CHST11: variants seen among roughly 807,000 people sequenced by gnomAD.
CHST11 encodes C4S-1.
A neutral mutation model predicts 30.4 loss-of-function variants in CHST11; 9 were observed. The ratio of observed to expected loss-of-function variants is 0.30; its 90% CI spans 0.18 to 0.52. The LOEUF is 0.52. Ranked by LOEUF, CHST11 falls within the 20% of genes least tolerant of loss-of-function variation. The pLI is 0.97. For synonymous variants in CHST11, 152 were observed against 187.8 expected (o/e 0.81, Z 1.56); for missense variants, 348 against 460.6 (o/e 0.76, Z 2.24).
At chr12:104,582,090 T>C (rs2038751186) in intron 1 of CHST11, among the ~76,000 whole-genome samples, 1 of 152,322 alleles carries the variant, frequency 6.6e-6, no homozygotes, top group East Asian at 1.9e-4. Context: ...GATGCATCCT[T>C]ATTTGCGAGA....
chr12:104,554,926 T>C (rs1449535384), intron 1 of CHST11, among the ~76,000 whole-genome samples: 1 of 152,168 alleles, frequency 6.6e-6, no homozygotes, highest in Non-Finnish European at 1.5e-5. Context: ...GACTTGAGGC[T>C]GTACCGGGGT....
intron 2 of CHST11, among the ~76,000 whole-genome samples, chr12:104,657,109 G>T (rs1384910701): frequency 6.6e-6 from 1 of 152,166 alleles, no homozygotes; most frequent in Non-Finnish European, 1.5e-5. Context: ...TCAGCTCCGG[G>T]CTGTCAGCCC....
chr12:104,598,154 G>C (rs887297874), intron 1 of CHST11, among the ~76,000 whole-genome samples: 1 of 152,212 alleles, frequency 6.6e-6, no homozygotes, highest in Non-Finnish European at 1.5e-5. Flanking sequence ...AGATACATGT[G>C]AGGTGAATAT....
chr12:104,569,250 G>A (rs1461893153), intron 1 of CHST11, among the ~76,000 whole-genome samples: 1 of 152,154 alleles, frequency 6.6e-6, no homozygotes, highest in Non-Finnish European at 1.5e-5. Context: ...AGAAATTCTA[G>A]GAATAGAGAA....
intron 1 of CHST11, among the ~76,000 whole-genome samples, chr12:104,498,277 C>G (rs1442751428): frequency 6.6e-6 from 1 of 152,128 alleles, no homozygotes; most frequent in Non-Finnish European, 1.5e-5. Flanking sequence ...TAGGCTTCAC[C>G]TGTCATCTTA....
intron 2 of CHST11, among the ~76,000 whole-genome samples, chr12:104,680,969 A>G (rs2039790162): frequency 6.6e-6 from 1 of 152,238 alleles, no homozygotes; most frequent in Non-Finnish European, 1.5e-5. Flanking sequence ...TCTGGACCTC[A>G]ATAACACTGG....
chr12:104,757,347 C>G lies in CHST11; in HGVS notation c.603C>G (p.Thr201=), dbSNP rs1309979750. The G allele has an allele frequency of 1.9e-6, 3 of 1,614,010 alleles. No homozygotes were observed. Among genetic ancestry groups the G allele is most frequent in the African/African-American group, 1.3e-5 (1 of 74,908 alleles). Residue 201 remains threonine (T), a synonymous_variant, in exon 3 of 3, where the codon ACC becomes ACG. Coordinates refer to ENST00000303694, the MANE Select transcript of CHST11 (RefSeq NM_018413.6). This position sits in a 1 kb window ranked among gnomAD's most constrained non-coding sequence, Gnocchi z 6.5. ...TGTCCGCCTACCGCAACAAGTTCACCCAGAAGTACAACATCTCCTTCCACA... is the reference window on the plus strand; with the variant it reads ...TGTCCGCCTACCGCAACAAGTTCACGCAGAAGTACAACATCTCCTTCCACA... ...RLVSAYRNKF[T]QKYNISFHKR... is the part of the protein sequence containing the mutation.
intron 2 of CHST11, among the ~76,000 whole-genome samples, chr12:104,741,270 C>T (rs919096115): frequency 1.3e-5 from 2 of 152,108 alleles, no homozygotes; most frequent in African/African-American, 2.4e-5. Flanking sequence ...GGGGAGAGAA[C>T]GAGGGTGTCT....
intron 2 of CHST11, among the ~76,000 whole-genome samples, chr12:104,686,857 AG>A (rs2039851431): frequency 6.6e-6 from 1 of 152,218 alleles, no homozygotes; most frequent in Non-Finnish European, 1.5e-5. Flanking sequence ...CACGTTGGTC[AG>A]GCTGGTCTCA....
At chr12:104,754,932 C>T (rs2040462501) in intron 2 of CHST11, among the ~76,000 whole-genome samples, 1 of 152,156 alleles carries the variant, frequency 6.6e-6, no homozygotes, top group African/African-American at 2.4e-5. Flanking sequence ...GTGAAGGTGC[C>T]TCCTACAGAG....
chr12:104,625,690 C>T (rs1240698268), intron 2 of CHST11, among the ~76,000 whole-genome samples: 1 of 152,182 alleles, frequency 6.6e-6, no homozygotes, highest in African/African-American at 2.4e-5. Flanking sequence ...TCTGAACTGT[C>T]TTCTTAAGGA....
In CHST11 at chr12:104,706,235, T is replaced by G. The variant is rs968798287; in HGVS notation, c.205-50714T>G. 2.3e-4 allele frequency among the ~76,000 whole-genome samples: 34 copies of G among 146,226 alleles called. No individual in the cohort carries two copies. The Admixed American group carries it at 2.3e-3, about 10-fold the overall frequency. ...CCTGTCTCTATTAAAAATACAAAAA[T>G]TAGCCAGGTGTGGTAGCGCATGCCT... On this transcript the variant is annotated intron_variant, in intron 2 of 2. Coordinates refer to ENST00000303694, the MANE Select transcript of CHST11 (RefSeq NM_018413.6).
chr12:104,723,945 G>C (rs555960776), intron 2 of CHST11, among the ~76,000 whole-genome samples: 1 of 152,166 alleles, frequency 6.6e-6, no homozygotes, highest in Non-Finnish European at 1.5e-5. Flanking sequence ...CAGACATGGT[G>C]GTAAGTGTAT....
Position 104,497,546 on chromosome 12 carries a change from C to T in CHST11, c.118+40017C>T, listed in dbSNP as rs190000078. Among the ~76,000 whole-genome samples the T allele has an allele frequency of 3.3e-5, 5 of 152,256 alleles. No individual in the cohort carries two copies. In the East Asian group the frequency reaches 9.6e-4, roughly 29 times the overall value. ...CCAGGCAAATCAATACATGATTAAA[C>T]TCCTCTGATGCTTAAGTACCTCACG... On this transcript the variant is annotated intron_variant, in intron 1 of 2. Transcript: ENST00000303694.
chr12:104,600,625 G>A lies in CHST11; in HGVS notation c.119-1281G>A, dbSNP rs1805278128. ...AGAGAGGTTAGGTAGTTTCCTTAAG[G>A]TCACACAGCTGGTAGTGGTAGAGCC... On this transcript the variant is annotated intron_variant, in intron 1 of 2. Transcript: ENST00000303694. The surrounding 1 kb of genome is among the most constrained non-coding windows in gnomAD (Gnocchi z 4.1). Among the ~76,000 whole-genome samples, 1 of 152,152 alleles carries A rather than the reference G, an allele frequency of 6.6e-6. No individual in the cohort carries two copies. Among genetic ancestry groups the A allele is most frequent in the Admixed American group, 6.5e-5 (1 of 15,272 alleles).
At chr12:104,478,469 T>A (rs1197425808) in intron 1 of CHST11, among the ~76,000 whole-genome samples, 1 of 152,116 alleles carries the variant, frequency 6.6e-6, no homozygotes, top group Non-Finnish European at 1.5e-5. Flanking sequence ...CCCTTCCCCA[T>A]AGTCTCTTTT....
chr12:104,750,117 T>A (rs2040417530), intron 2 of CHST11, among the ~76,000 whole-genome samples: 1 of 152,136 alleles, frequency 6.6e-6, no homozygotes, highest in Non-Finnish European at 1.5e-5. Flanking sequence ...TTGGGCTAAT[T>A]GGAAATGAGC....
intron 1 of CHST11, among the ~76,000 whole-genome samples, chr12:104,500,541 T>C (rs1593973575): frequency 1.6e-5 from 2 of 126,152 alleles, no homozygotes; most frequent in Admixed American, 7.7e-5. Flanking sequence ...AGTTTGGTAT[T>C]TCTCTGTGAA....
intron 2 of CHST11, among the ~76,000 whole-genome samples, chr12:104,725,044 C>T (rs1161203845): frequency 1.3e-5 from 2 of 152,014 alleles, no homozygotes; most frequent in Admixed American, 1.3e-4. Context: ...GTCAGCCTTG[C>T]GAGCCCCAGT....
Sources: allele counts gnomAD v4.1 joint callset (sites outside exome capture counted in the v4.1 genomes callset), GRCh38; gene constraint gnomAD v4.1.1; non-coding constraint Gnocchi (gnomAD v3.1); transcripts MANE v1.5; gene names NCBI Gene and HGNC (gene_info 2026-07-23, HGNC 2026-07-21).